The following UNC13A variants were observed in gnomAD, a reference collection of about 807,000 sequenced individuals.
The protein encoded by UNC13A is protein unc-13 homolog A.
A neutral mutation model predicts 219.7 loss-of-function variants in UNC13A; 61 were observed. The ratio of observed to expected loss-of-function variants is 0.28; its 90% CI spans 0.23 to 0.34. The LOEUF is 0.34. UNC13A is among the 10% of genes least tolerant of loss of function. The pLI, the probability that UNC13A is intolerant of heterozygous loss-of-function variation, is 1.00. For synonymous variants in UNC13A, 920 were observed against 884.6 expected (o/e 1.04, Z -0.71); for missense variants, 1,476 against 2,270.3 (o/e 0.65, Z 7.11).
chr19:17,627,998 C>G lies in UNC13A; in HGVS notation c.3754-58G>C. 1 of 1,504,246 alleles carries G rather than the reference C, an allele frequency of 6.6e-7. No homozygotes were observed. Among genetic ancestry groups the G allele is most frequent in the African/African-American group, 1.4e-5 (1 of 72,326 alleles). 93.2% of individuals were successfully genotyped at this position (1,504,246 alleles called of 1,614,324 possible). ...TCAGGACCTCTCCCCAGAGCCTCCC[C>G]TACCCACCGCCAGGGACCTTGGGAT... is the stretch of plus-strand genomic sequence containing the variant. On this transcript the variant is annotated intron_variant, in intron 31 of 43. Transcript: ENST00000519716. This position sits in a 1 kb window ranked among gnomAD's most constrained non-coding sequence, Gnocchi z 4.7.
intron 20 of UNC13A, 40 bp from the exon 21 acceptor site, chr19:17,641,596 G>A (rs1439449566): frequency 6.3e-7 from 1 of 1,598,246 alleles, no homozygotes; most frequent in Non-Finnish European, 8.6e-7. Context: ...AGAGTGCAAG[G>A]GGTCGCCGGG....
At position 17,674,886 on chromosome 19, in the gene UNC13A, A is replaced by G. The variant is rs1013287421; in HGVS notation, c.53-130T>C. 26 of 696,646 alleles carry G rather than the reference A, an allele frequency of 3.7e-5. No homozygotes were observed. The highest frequency in any genetic ancestry group is 6.2e-5 in the Non-Finnish European group (25 of 406,062). 43.2% of individuals were successfully genotyped at this position (696,646 alleles called of 1,614,324 possible). ...CACTCACCCCCTAACCCACAACCCC[A>G]CCCTCAGGGCACAAGGGAGGGGCCT... On this transcript the variant is annotated intron_variant, in intron 2 of 43. Transcript: ENST00000519716. This position sits in a 1 kb window ranked among gnomAD's most constrained non-coding sequence, Gnocchi z 5.0.
At chr19:17,613,544 C>T (rs1422051489) in intron 41 of UNC13A, among the ~76,000 whole-genome samples, 1 of 152,060 alleles carries the variant, frequency 6.6e-6, no homozygotes, top group Non-Finnish European at 1.5e-5. Flanking sequence ...TCTCCCCACT[C>T]ACCCCATTCT....
intron 1 of UNC13A, among the ~76,000 whole-genome samples, chr19:17,677,190 C>T (rs2079914511): frequency 6.6e-6 from 1 of 152,030 alleles, no homozygotes; most frequent in Admixed American, 6.6e-5. Flanking sequence ...AGATTCAAAG[C>T]CATGTCGCCC....
intron 1 of UNC13A, among the ~76,000 whole-genome samples, chr19:17,679,532 G>C (rs910926612): frequency 6.6e-6 from 1 of 151,630 alleles, no homozygotes; most frequent in Non-Finnish European, 1.5e-5. Flanking sequence ...ATGCATATGG[G>C]GGTGGGAAAG....
intron 41 of UNC13A, chr19:17,614,493 GCCTGTGGA>G (rs2076640274): frequency 6.6e-6 from 1 of 152,582 alleles, no homozygotes; most frequent in Admixed American, 6.5e-5. Context: ...ATCCTGTGGG[GCCTGTGGA>G]CCTGTGACCG....
chr19:17,650,933 ATTTTTTTT>A (rs34451347), intron 12 of UNC13A, among the ~76,000 whole-genome samples: 1 of 128,284 alleles, frequency 7.8e-6, no homozygotes, highest in Non-Finnish European at 1.6e-5. Context: ...CACCCAGCAA[ATTTTTTTT>A]TTTTTTTTTT....
chr19:17,608,361 A>ATATATATATATT (rs2076559250), intron 43 of UNC13A, among the ~76,000 whole-genome samples: 1 of 111,778 alleles, frequency 8.9e-6, no homozygotes, highest in Admixed American at 1.2e-4. Context: ...TATAATATAA[A>ATATATATATATT]TATATATTAT....
At chr19:17,644,503 T>C (rs895626101) in intron 19 of UNC13A, among the ~76,000 whole-genome samples, 1 of 56,954 alleles carries the variant, frequency 1.8e-5, no homozygotes. Context: ...TGGATTCCAT[T>C]TTTTTTTTCT....
In UNC13A at chr19:17,655,349, C is replaced by T; in HGVS notation, c.1317G>A (p.Glu439=). Residue 439 remains glutamate (E), a synonymous_variant, in exon 11 of 44, where the codon GAG becomes GAA. Transcript: ENST00000519716. ...FRPREDEEGQ[E]GQDSMSRAKA... Reference sequence around the variant, plus strand: ...TGGCCCTGGACATGGAGTCCTGCCCCTCCTGGCCTTCCTCATCCTCTCTCG... The same window carrying T: ...TGGCCCTGGACATGGAGTCCTGCCCTTCCTGGCCTTCCTCATCCTCTCTCG... 6.3e-7 allele frequency: 1 copy of T among 1,590,898 alleles called. No homozygotes were observed. The highest frequency in any genetic ancestry group is 8.6e-7 in the Non-Finnish European group (1 of 1,169,150).
At chr19:17,664,641 G>C (rs576303902) in intron 7 of UNC13A, among the ~76,000 whole-genome samples, 1 of 152,080 alleles carries the variant, frequency 6.6e-6, no homozygotes, top group Non-Finnish European at 1.5e-5. Flanking sequence ...GCCTGGCCCC[G>C]CCCCCATTGC....
Position 17,674,844 on chromosome 19 carries a change from C to A in UNC13A, c.53-88G>T. The stretch of plus-strand genomic sequence containing the variant: ...GCTCTAGACCATCTGCTGTGATCCC[C>A]TCAGGAATTTCTGGGCCACTCACCC... On this transcript the variant is annotated intron_variant, in intron 2 of 43. Transcript: ENST00000519716. This position sits in a 1 kb window ranked among gnomAD's most constrained non-coding sequence, Gnocchi z 5.0. 1 of 1,188,868 alleles carries A rather than the reference C, an allele frequency of 8.4e-7. No individual in the cohort carries two copies. Among genetic ancestry groups the A allele is most frequent in the South Asian group, 1.3e-5 (1 of 78,730 alleles). The allele number at this position is 1,188,868 out of a possible 1,614,324, so 73.6% of individuals were successfully genotyped here.
At position 17,610,080 on chromosome 19, in the gene UNC13A, G is replaced by A. The variant is rs760231085; in HGVS notation, c.4671C>T (p.Leu1557=). The A allele has an allele frequency of 6.2e-7, 1 of 1,614,078 alleles. No individual in the cohort carries two copies. Residue 1557 remains leucine, a synonymous_variant, in exon 43 of 44, where the codon CTC becomes CTT. Transcript: ENST00000519716. ...GGAAGATGCCAGAAGTCTGCCACTT[G>A]AGGTCATTGGCAGCCACCACTGTTG... ...VTVKVVAAND[L]KWQTSGIFRP...
chr19:17,666,624 C>T, intron 7 of UNC13A, 26 bp downstream of exon 7: 1 of 1,463,942 alleles, frequency 6.8e-7, no homozygotes, highest in Non-Finnish European at 9.1e-7. Context: ...CAGCTGATAC[C>T]CAAGGAAGAA....
intron 6 of UNC13A, among the ~76,000 whole-genome samples, chr19:17,667,104 A>G (rs975019316): frequency 2.0e-5 from 3 of 152,098 alleles, no homozygotes; most frequent in Non-Finnish European, 2.9e-5. Flanking sequence ...TACAAAAATT[A>G]GCCAGGTATG....
chr19:17,666,102 TTCTTTTCTTTTC>T (rs1234890639), intron 7 of UNC13A, among the ~76,000 whole-genome samples: 1 of 102,898 alleles, frequency 9.7e-6, no homozygotes, highest in East Asian at 2.5e-4. Flanking sequence ...TTCCCTTCCT[TTCTTTTCTTTTC>T]TCTTTTCTTT....
chr19:17,605,252 G>A lies in UNC13A; in HGVS notation c.*802C>T, dbSNP rs1599816694. On this transcript the variant is annotated 3_prime_UTR_variant, in exon 44 of 44. Transcript: ENST00000519716. ...AGGGGCACAGAGGGTATGGCACCTG[G>A]AACCTTGGCCAAGTCTCAAGCAGCT... 1 of 152,944 alleles carries A rather than the reference G, an allele frequency of 6.5e-6. No homozygotes were observed. Among genetic ancestry groups the A allele is most frequent in the Non-Finnish European group, 1.5e-5 (1 of 68,260 alleles). The allele number at this position is 152,944 out of a possible 1,614,324, so 9.5% of individuals were successfully genotyped here. A position where few individuals can be genotyped will look rare whatever the true frequency, so the allele number is the denominator to read the frequency against.
intron 41 of UNC13A, among the ~76,000 whole-genome samples, chr19:17,616,051 C>T (rs886800022): frequency 6.6e-6 from 1 of 152,182 alleles, no homozygotes; most frequent in Non-Finnish European, 1.5e-5. Flanking sequence ...AAAACTGAGG[C>T]TCAGGGAGAC....
In UNC13A at chr19:17,645,846, G is replaced by A; in HGVS notation, c.2187-3C>T. ...GGTCGGAGGAATTGTGACATTCACT[G>A]TGGCGGGAGGAGGAGGCAGAGGCAG... On this transcript the variant is annotated splice_polypyrimidine_tract_variant and splice_region_variant and intron_variant, in intron 18 of 43. Transcript: ENST00000519716. 1.9e-6 allele frequency: 3 copies of A among 1,602,148 alleles called. No homozygotes were observed. Among genetic ancestry groups the A allele is most frequent in the Non-Finnish European group, 2.6e-6 (3 of 1,174,368 alleles).
Sources: allele counts gnomAD v4.1 joint callset (sites outside exome capture counted in the v4.1 genomes callset), GRCh38; gene constraint gnomAD v4.1.1; non-coding constraint Gnocchi (gnomAD v3.1); transcripts MANE v1.5; gene names NCBI Gene and HGNC (gene_info 2026-07-23, HGNC 2026-07-21).